The following HEMK2 variants were observed in gnomAD, a reference collection of about 807,000 sequenced individuals.
The protein encoded by HEMK2 is methyltransferase HEMK2.
At chr21:28,808,179 C>A in the HEMK2 span, among the ~76,000 whole-genome samples, 1 of 152,036 alleles carries the variant, frequency 6.6e-6, no homozygotes, top group Non-Finnish European at 1.5e-5. Context: ...GGGACAAGGG[C>A]AAACATCTCA....
At chr21:28,798,562 G>T in the HEMK2 span, among the ~76,000 whole-genome samples, 5 of 152,090 alleles carry the variant, frequency 3.3e-5, no homozygotes, top group African/African-American at 1.2e-4. Context: ...TAACTCTAGA[G>T]CCTGAGTGGA....
chr21:28,785,642 A>G, the HEMK2 span, among the ~76,000 whole-genome samples: 3 of 152,216 alleles, frequency 2.0e-5, no homozygotes, highest in Non-Finnish European at 4.4e-5. Flanking sequence ...CACCTCAGTC[A>G]TCACTATGTG....
At chr21:28,821,837 GT>G in the HEMK2 span, among the ~76,000 whole-genome samples, 2 of 152,154 alleles carry the variant, frequency 1.3e-5, no homozygotes, top group Admixed American at 6.5e-5. Context: ...AATTTAGAAG[GT>G]TTTTTTACAC....
the HEMK2 span, among the ~76,000 whole-genome samples, chr21:28,794,271 T>C: frequency 6.6e-6 from 1 of 152,218 alleles, no homozygotes; most frequent in African/African-American, 2.4e-5. Context: ...AAACTTTTCA[T>C]TTCAGAAGTT....
At chr21:28,700,127 T>C in the HEMK2 span, among the ~76,000 whole-genome samples, 1 of 152,100 alleles carries the variant, frequency 6.6e-6, no homozygotes, top group Admixed American at 6.6e-5. Context: ...CCCATCTCTC[T>C]TCCTCTTCCC....
the HEMK2 span, among the ~76,000 whole-genome samples, chr21:28,802,977 G>C: frequency 6.6e-6 from 1 of 152,132 alleles, no homozygotes; most frequent in Non-Finnish European, 1.5e-5. Flanking sequence ...GAGGTCTCTT[G>C]TTATAAACTT....
the HEMK2 span, among the ~76,000 whole-genome samples, chr21:28,859,252 G>GT: frequency 3.9e-5 from 6 of 152,122 alleles, no homozygotes; most frequent in Admixed American, 2.0e-4. Flanking sequence ...TAGATAAATT[G>GT]TTTTTTAGTA....
the HEMK2 span, among the ~76,000 whole-genome samples, chr21:28,772,155 A>G: frequency 6.6e-6 from 1 of 152,150 alleles, no homozygotes; most frequent in African/African-American, 2.4e-5. Flanking sequence ...TCAAAGCCTA[A>G]TTAGTCAGAA....
chr21:28,682,122 G>A, the HEMK2 span, among the ~76,000 whole-genome samples: 9 of 151,344 alleles, frequency 5.9e-5, no homozygotes, highest in Non-Finnish European at 1.0e-4. Context: ...GCAACCTACA[G>A]AATGGGAGAA....
At chr21:28,600,836 C>T in the HEMK2 span, among the ~76,000 whole-genome samples, 1 of 152,166 alleles carries the variant, frequency 6.6e-6, no homozygotes, top group Non-Finnish European at 1.5e-5. Flanking sequence ...TAAAGTTCCA[C>T]AAAACTCTAG....
chr21:28,766,659 A>G, the HEMK2 span, among the ~76,000 whole-genome samples: 1 of 152,118 alleles, frequency 6.6e-6, no homozygotes, highest in Non-Finnish European at 1.5e-5. Flanking sequence ...TACACCATGG[A>G]ATACTACTCA....
At chr21:28,795,155 A>C in the HEMK2 span, among the ~76,000 whole-genome samples, 1 of 152,220 alleles carries the variant, frequency 6.6e-6, no homozygotes, top group Non-Finnish European at 1.5e-5. Context: ...CATTGTTTTC[A>C]AAACAATTAA....
chr21:28,660,224 AACTT>A, the HEMK2 span, among the ~76,000 whole-genome samples: 1 of 151,770 alleles, frequency 6.6e-6, no homozygotes, highest in East Asian at 1.9e-4. Context: ...TTCTACCTAA[AACTT>A]AATATCATCT....
At chr21:28,738,866 A>G in the HEMK2 span, among the ~76,000 whole-genome samples, 1 of 152,362 alleles carries the variant, frequency 6.6e-6, no homozygotes, top group East Asian at 1.9e-4. Flanking sequence ...TGTGTTTACA[A>G]TGGGGACAAA....
chr21:28,838,186 T>C, the HEMK2 span, among the ~76,000 whole-genome samples: 7 of 152,086 alleles, frequency 4.6e-5, no homozygotes, highest in Admixed American at 3.9e-4. Flanking sequence ...CCCTAATTTG[T>C]TCTATAAAGG....
At chr21:28,664,332 T>C in the HEMK2 span, among the ~76,000 whole-genome samples, 1 of 152,214 alleles carries the variant, frequency 6.6e-6, no homozygotes, top group Non-Finnish European at 1.5e-5. Flanking sequence ...TATATGTACA[T>C]GCATTGTATA....
chr21:28,611,785 G>A, the HEMK2 span, among the ~76,000 whole-genome samples: 2 of 152,034 alleles, frequency 1.3e-5, no homozygotes, highest in East Asian at 3.9e-4. Context: ...GTGGGCACCT[G>A]TAGTCCCAGC....
At chr21:28,768,710 C>T in the HEMK2 span, among the ~76,000 whole-genome samples, 1 of 152,008 alleles carries the variant, frequency 6.6e-6, no homozygotes, top group Non-Finnish European at 1.5e-5. Flanking sequence ...GATTGAAGGT[C>T]ATTGCTCTAA....
the HEMK2 span, among the ~76,000 whole-genome samples, chr21:28,830,792 G>A: frequency 3.3e-5 from 5 of 150,300 alleles, no homozygotes; most frequent in East Asian, 7.9e-4. Context: ...CAGGAGAATC[G>A]CTTGAACCCA....
Sources: gnomAD v4.1 joint callset for allele counts (sites outside exome capture counted in the v4.1 genomes callset) on GRCh38, gnomAD v4.1.1 for gene constraint, MANE v1.5 for transcripts, NCBI Gene and HGNC (gene_info 2026-07-23, HGNC 2026-07-21) for gene names.